The following CEP95 variants were observed in gnomAD, a reference collection of about 807,000 sequenced individuals.
CEP95 encodes the protein centrosomal protein of 95 kDa.
A neutral mutation model predicts 111.2 loss-of-function variants in CEP95; 98 were observed. The ratio of observed to expected loss-of-function variants is 0.88; its 90% CI spans 0.75 to 1.04. CEP95 has a LOEUF of 1.04. Ranked by LOEUF, CEP95 falls within the 50% of genes least tolerant of loss-of-function variation. The probability of loss-of-function intolerance (pLI) is 0.00; values close to 1 mark genes in which losing one functional copy is unlikely to be tolerated. For missense variants in CEP95, 1,027 were observed against 977.2 expected (o/e 1.05, Z -0.68); for synonymous variants, 323 against 327.1 (o/e 0.99, Z 0.14).
intron 13 of CEP95, 90 bp downstream of exon 13, chr17:64,531,108 C>G: frequency 2.9e-6 from 2 of 687,330 alleles, no homozygotes; most frequent in Non-Finnish European, 4.6e-6. Flanking sequence ...AAGGGGCCAA[C>G]AGGGCCTTAA....
chr17:64,512,809 C>CT (rs1287134875), intron 3 of CEP95, among the ~76,000 whole-genome samples: 8 of 151,880 alleles, frequency 5.3e-5, no homozygotes, highest in African/African-American at 1.7e-4. Context: ...TAGTTTCCCT[C>CT]TTTTTTTTGC....
Position 64,521,495 on chromosome 17 carries a change from T to TGTCCAAGA in CEP95, c.686_693dup (p.Arg232ProfsTer16). The TGTCCAAGA allele has an allele frequency of 6.2e-7, 1 of 1,612,702 alleles. No individual in the cohort carries two copies. The highest frequency in any genetic ancestry group is 1.1e-5 in the South Asian group (1 of 90,868). On this transcript the variant is annotated frameshift_variant, in exon 7 of 20. Transcript: ENST00000556440. LOFTEE classifies it high-confidence loss of function. The stretch of plus-strand genomic sequence containing the variant: ...GATATGTTGTACCCTCCTAGTGTTT[T>TGTCCAAGA]GTCCAAGAGTAGGACATCCTTTGTT...
chr17:64,516,185 T>A (rs1485559999), intron 4 of CEP95: 1 of 152,214 alleles, frequency 6.6e-6, no homozygotes, highest in Non-Finnish European at 1.5e-5. Flanking sequence ...AAGGGGTAAA[T>A]CTGAATCATG....
intron 19 of CEP95, chr17:64,537,314 T>C: frequency 7.1e-7 from 1 of 1,404,030 alleles, no homozygotes; most frequent in South Asian, 1.7e-5. Context: ...TTGGAACATA[T>C]CTCCATCATT....
At chr17:64,523,036 T>G in intron 8 of CEP95, 141 bp downstream of exon 8, 1 of 685,124 alleles carries the variant, frequency 1.5e-6, no homozygotes, top group Admixed American at 3.0e-5. Context: ...AGCCCCTATA[T>G]TTAAAGAAGT....
rs782116839 is a variant in CEP95, at chr17:64,522,682, A to T, written c.716-20A>T. 1.3e-6 allele frequency: 2 copies of T among 1,591,332 alleles called. No homozygotes were observed. On this transcript the variant is annotated intron_variant, in intron 7 of 19. Transcript: ENST00000556440. ...TTCTTAGAATTGCATCGTAATATCC[A>T]CTTTAATTTGTCTTACTAGCGGAAA...
At chr17:64,523,693 G>C (rs554981516) in intron 8 of CEP95, among the ~76,000 whole-genome samples, 20 of 152,286 alleles carry the variant, frequency 1.3e-4, no homozygotes, top group Admixed American at 1.1e-3. Context: ...GTGAGTGCCA[G>C]AGTTTGAGAC....
intron 16 of CEP95, chr17:64,534,112 G>A (rs146397756): frequency 5.0e-5 from 8 of 160,986 alleles, no homozygotes; most frequent in African/African-American, 1.9e-4. Context: ...TTCCTGTGGA[G>A]GGAAAAAACA....
chr17:64,529,184 A>G, intron 11 of CEP95, 104 bp from the exon 12 acceptor site: 1 of 1,000,202 alleles, frequency 1.0e-6, no homozygotes, highest in Non-Finnish European at 1.5e-6. Context: ...CCTTTAGCAC[A>G]TTCACTCATC....
At chr17:64,511,729 A>G (rs2038910024) in intron 3 of CEP95, among the ~76,000 whole-genome samples, 1 of 152,220 alleles carries the variant, frequency 6.6e-6, no homozygotes, top group Admixed American at 6.5e-5. Context: ...AGGAAATCAC[A>G]AGGGTATTGA....
At position 64,529,403 on chromosome 17, in the gene CEP95, A is replaced by G. The variant is rs1401763875; in HGVS notation, c.1422A>G (p.Thr474=). 1.9e-6 allele frequency: 3 copies of G among 1,613,696 alleles called. No individual in the cohort carries two copies. Among genetic ancestry groups the G allele is most frequent in the Non-Finnish European group, 2.5e-6 (3 of 1,179,776 alleles). The change falls in exon 12 of 20, where the codon ACA becomes ACG. Residue 474 remains threonine (T), a synonymous_variant. Coordinates refer to ENST00000556440, the MANE Select transcript of CEP95 (RefSeq NM_138363.3). The part of the protein sequence containing the change: ...ERKRQRKPRE[T]DVRQFQAQAF... ...AAAGGCAGCGCAAGCCAAGAGAAAC[A>G]GATGTCCGCCAATTCCAAGCACAGG...
At chr17:64,512,901 A>G (rs930500264) in intron 3 of CEP95, among the ~76,000 whole-genome samples, 1 of 152,206 alleles carries the variant, frequency 6.6e-6, no homozygotes, top group Non-Finnish European at 1.5e-5. Flanking sequence ...GGTTATAAAC[A>G]TACATGTTTG....
chr17:64,526,603 C>T (rs1225807101), intron 10 of CEP95, among the ~76,000 whole-genome samples: 1 of 152,124 alleles, frequency 6.6e-6, no homozygotes, highest in African/African-American at 2.4e-5. Context: ...TAAATCCCTA[C>T]GTGACTTTTT....
At chr17:64,531,375 G>C (rs1968270757) in intron 13 of CEP95, among the ~76,000 whole-genome samples, 1 of 152,204 alleles carries the variant, frequency 6.6e-6, no homozygotes, top group Non-Finnish European at 1.5e-5. Flanking sequence ...CTATAGACCT[G>C]GTTGTAAGAA....
chr17:64,515,898 C>T lies in CEP95; in HGVS notation c.368-825C>T, dbSNP rs561202516. 4 of 152,194 alleles carry T rather than the reference C, an allele frequency of 2.6e-5. No homozygotes were observed. In the East Asian group the frequency reaches 5.8e-4, roughly 22 times the overall value. The allele number at this position is 152,194 out of a possible 1,614,324, so 9.4% of individuals were successfully genotyped here. ...ATTTACCACTGAAGAAGGAGGGGTT[C>T]GAAGGAAGACCATGGGTTCAGTGCT... is the stretch of plus-strand genomic sequence containing the variant. On this transcript the variant is annotated intron_variant, in intron 4 of 19. Coordinates refer to ENST00000556440, the MANE Select transcript of CEP95 (RefSeq NM_138363.3).
chr17:64,537,586 A>C lies in CEP95; in HGVS notation c.2290-17A>C. The C allele has an allele frequency of 6.3e-7, 1 of 1,578,470 alleles. No homozygotes were observed. Among genetic ancestry groups the C allele is most frequent in the Non-Finnish European group, 8.6e-7 (1 of 1,157,202 alleles). ...TAAATGCTGTGAACAGCGGGATGAC[A>C]TGCCTTCTTTTTTCAGACATTACAT... On this transcript the variant is annotated splice_polypyrimidine_tract_variant and intron_variant, in intron 19 of 19. Transcript: ENST00000556440.
intron 11 of CEP95, among the ~76,000 whole-genome samples, chr17:64,528,720 C>T (rs1555679656): frequency 2.0e-5 from 3 of 152,202 alleles, no homozygotes; most frequent in South Asian, 4.1e-4. Context: ...CTCTTCACAA[C>T]TAGCAGATCC....
chr17:64,521,769 A>T (rs1238279266), intron 7 of CEP95, among the ~76,000 whole-genome samples: 12 of 151,254 alleles, frequency 7.9e-5, no homozygotes, highest in African/African-American at 2.9e-4. Context: ...TTTTTTTTTT[A>T]ATGGGACAGA....
At chr17:64,529,473 T>C (rs1968108298) in intron 12 of CEP95, 46 bp downstream of exon 12, 1 of 1,595,864 alleles carries the variant, frequency 6.3e-7, no homozygotes, top group Admixed American at 1.7e-5. Flanking sequence ...GCCAGTACCA[T>C]TTCCCCTCAG....
Sources: allele counts gnomAD v4.1 joint callset (sites outside exome capture counted in the v4.1 genomes callset), GRCh38; gene constraint gnomAD v4.1.1; transcripts MANE v1.5; gene names NCBI Gene and HGNC (gene_info 2026-07-23, HGNC 2026-07-21).